STAG1: variants seen among roughly 807,000 people sequenced by gnomAD.
STAG1 encodes STAG1 cohesin complex component, also known as cohesin subunit SA-1.
STAG1 carries 26 observed loss-of-function variants against 170.9 expected under a neutral mutation model. The observed-to-expected ratio is 0.15, with a 90% CI of 0.11 to 0.21. The LOEUF (loss-of-function observed/expected upper bound fraction) is 0.21. STAG1 is among the 10% of genes least tolerant of loss of function. The pLI is 1.00. For missense variants in STAG1, 964 were observed against 1,509.5 expected, an observed-to-expected ratio of 0.64 and a Z score of 5.99; for synonymous variants, 514 against 497.7, an observed-to-expected ratio of 1.03 and a Z score of -0.44.
intron 1 of STAG1, among the ~76,000 whole-genome samples, chr3:136,636,350 T>C (rs1201902246): frequency 6.6e-6 from 1 of 151,954 alleles, no homozygotes; most frequent in African/African-American, 2.4e-5. Flanking sequence ...GCTAAGCAAA[T>C]CAAAAATTAT....
chr3:136,421,040 G>T, intron 20 of STAG1, 53 bp downstream of exon 20: 1 of 1,130,296 alleles, frequency 8.8e-7, no homozygotes, highest in Non-Finnish European at 1.3e-6. Context: ...CAAAGTGTTG[G>T]GGTTACAGGC....
intron 1 of STAG1, among the ~76,000 whole-genome samples, chr3:136,707,849 C>A (rs1190661687): frequency 6.6e-6 from 1 of 152,136 alleles, no homozygotes; most frequent in African/African-American, 2.4e-5. Context: ...GAAGGATCTG[C>A]CCTCATAACC....
At chr3:136,625,518 G>A (rs1480286236) in intron 2 of STAG1, among the ~76,000 whole-genome samples, 1 of 152,134 alleles carries the variant, frequency 6.6e-6, no homozygotes. Flanking sequence ...TACTCACAGA[G>A]ATACAATTAA....
At position 136,371,395 on chromosome 3, in the gene STAG1, A is replaced by T. The variant is rs1246387084; in HGVS notation, c.2371-2113T>A. ...TTTGTCAATTTTGGCTTTTGTTGCC[A>T]TTGCTTTTGGTGTTTTAGACATGAA... On this transcript the variant is annotated intron_variant, in intron 23 of 33. Coordinates refer to ENST00000383202, the MANE Select transcript of STAG1 (RefSeq NM_005862.3). Among the ~76,000 whole-genome samples, 4 of 152,112 alleles carry T rather than the reference A, an allele frequency of 2.6e-5. No individual in the cohort carries two copies. In the East Asian group the frequency reaches 7.7e-4, roughly 29 times the overall value.
At position 136,358,057 on chromosome 3, in the gene STAG1, A is replaced by C. The variant is rs943806761; in HGVS notation, c.2937-209T>G. On this transcript the variant is annotated intron_variant, in intron 27 of 33. Transcript: ENST00000383202. ...TGTAAGTTGGGGAAAATATACAAAAAATAGCTACAGAGCAACAAAGCTAAA... is the reference window on the plus strand; with the variant it reads ...TGTAAGTTGGGGAAAATATACAAAACATAGCTACAGAGCAACAAAGCTAAA... 7.9e-4 allele frequency among the ~76,000 whole-genome samples: 120 copies of C among 152,208 alleles called. 1 individual carries two copies. The highest frequency in any genetic ancestry group is 2.8e-3 in the African/African-American group (118 of 41,506).
At chr3:136,518,410 C>T (rs778532471) in intron 7 of STAG1, 1 of 700,056 alleles carries the variant, frequency 1.4e-6, no homozygotes, top group South Asian at 1.5e-5. Flanking sequence ...GTCCCCAAGA[C>T]TTGTCCTGCA....
At chr3:136,410,422 T>G (rs1291984469) in intron 21 of STAG1, among the ~76,000 whole-genome samples, 1 of 151,734 alleles carries the variant, frequency 6.6e-6, no homozygotes, top group Non-Finnish European at 1.5e-5. Flanking sequence ...AAGTTTGCCC[T>G]AAGACCAACA....
intron 16 of STAG1, chr3:136,430,199 T>C (rs1225289748): frequency 6.6e-6 from 1 of 152,222 alleles, no homozygotes; most frequent in African/African-American, 2.4e-5. Context: ...GATTTTTGAC[T>C]GTGCAGGTCA....
At chr3:136,371,832 A>G (rs1042965081) in intron 23 of STAG1, among the ~76,000 whole-genome samples, 9 of 152,274 alleles carry the variant, frequency 5.9e-5, no homozygotes, top group Non-Finnish European at 8.8e-5. Flanking sequence ...TTGACTTGGC[A>G]ATACAGGCTC....
intron 1 of STAG1, among the ~76,000 whole-genome samples, chr3:136,741,103 GGAAGAAAGACATGTCCCA>G (rs1363265421): frequency 6.6e-6 from 1 of 152,132 alleles, no homozygotes; most frequent in Non-Finnish European, 1.5e-5. Flanking sequence ...GAAGGGTCCT[GGAAGAAAGACATGTCCCA>G]GAGCAAAAAG....
chr3:136,575,705 G>C (rs1937431719), intron 4 of STAG1, among the ~76,000 whole-genome samples: 1 of 149,388 alleles, frequency 6.7e-6, no homozygotes, highest in Admixed American at 6.6e-5. Context: ...ATAGGATCTT[G>C]TATCCTTAAC....
At chr3:136,728,591 A>G (rs1933822556) in intron 1 of STAG1, among the ~76,000 whole-genome samples, 1 of 152,234 alleles carries the variant, frequency 6.6e-6, no homozygotes. Context: ...TGCTAAGAAC[A>G]GTAGTTGGCA....
intron 29 of STAG1, among the ~76,000 whole-genome samples, chr3:136,346,736 A>G (rs939287454): frequency 4.6e-5 from 7 of 152,256 alleles, no homozygotes; most frequent in African/African-American, 1.2e-4. Flanking sequence ...ATTAAATGAT[A>G]TAACGCATGT....
intron 1 of STAG1, among the ~76,000 whole-genome samples, chr3:136,729,628 A>G (rs1040491130): frequency 6.9e-6 from 1 of 145,956 alleles, no homozygotes; most frequent in Non-Finnish European, 1.5e-5. Context: ...GCTGGAGTAC[A>G]ATGACATGAT....
At chr3:136,428,004 C>T (rs113490874) in intron 16 of STAG1, among the ~76,000 whole-genome samples, 117 of 151,440 alleles carry the variant, frequency 7.7e-4, no homozygotes, top group South Asian at 2.5e-3. Flanking sequence ...CTCTCCAAGA[C>T]GCCATTAAGA....
chr3:136,662,464 A>T (rs1184596761), intron 1 of STAG1, among the ~76,000 whole-genome samples: 1 of 151,914 alleles, frequency 6.6e-6, no homozygotes, highest in African/African-American at 2.4e-5. Context: ...AGACTCTTTG[A>T]GACAGGGTCT....
At chr3:136,339,999 G>A (rs555372046) in intron 32 of STAG1, among the ~76,000 whole-genome samples, 1 of 152,132 alleles carries the variant, frequency 6.6e-6, no homozygotes, top group Admixed American at 6.6e-5. Flanking sequence ...TAAAAAGAAA[G>A]AACCAGTTTC....
At chr3:136,413,549 C>T (rs2087688952) in intron 21 of STAG1, among the ~76,000 whole-genome samples, 1 of 151,920 alleles carries the variant, frequency 6.6e-6, no homozygotes, top group African/African-American at 2.4e-5. Context: ...ACCTCTGCCT[C>T]CCAGGTGCAA....
At chr3:136,502,871 A>T in intron 7 of STAG1, 92 bp from the exon 8 acceptor site, 1 of 1,039,682 alleles carries the variant, frequency 9.6e-7, no homozygotes, top group Non-Finnish European at 1.3e-6. Context: ...GAAGAAATGA[A>T]ACTAGTGAAT....
Sources: gnomAD v4.1 joint callset for allele counts (sites outside exome capture counted in the v4.1 genomes callset) on GRCh38, gnomAD v4.1.1 for gene constraint, MANE v1.5 for transcripts, NCBI Gene and HGNC (gene_info 2026-07-23, HGNC 2026-07-21) for gene names.